Variants in GLT1D1 observed in about 807,000 individuals in gnomAD.
GLT1D1 encodes the protein glycosyltransferase 1 domain-containing protein 1.
Under a neutral mutation model 28.7 loss-of-function variants are expected in GLT1D1, and 21 were observed. That is an observed-to-expected ratio of 0.73 (90% CI 0.52 to 1.05). The LOEUF (loss-of-function observed/expected upper bound fraction) is 1.05, where lower values mean the gene tolerates loss of function less well. Ranked by LOEUF, GLT1D1 falls within the 50% of genes least tolerant of loss-of-function variation. The pLI, the probability that GLT1D1 is intolerant of heterozygous loss-of-function variation, is 0.00. For missense variants in GLT1D1, 343 were observed against 330.6 expected (o/e 1.04, Z -0.29); for synonymous variants, 147 against 124.8 (o/e 1.18, Z -1.19).
chr12:128,881,591 T>TATATATATATATATAA (rs1173048829), intron 2 of GLT1D1, among the ~76,000 whole-genome samples: 1 of 109,978 alleles, frequency 9.1e-6, no homozygotes, highest in African/African-American at 3.5e-5. Context: ...TATATATATA[T>TATATATATATATATAA]ATAAAATTTA....
chr12:128,886,860 C>G (rs1868439510), intron 2 of GLT1D1, among the ~76,000 whole-genome samples: 1 of 152,120 alleles, frequency 6.6e-6, no homozygotes, highest in Admixed American at 6.6e-5. Context: ...GTCTCAACAT[C>G]TCCCAAAGCC....
At chr12:128,938,686 G>A (rs1227512958) in intron 4 of GLT1D1, among the ~76,000 whole-genome samples, 4 of 152,186 alleles carry the variant, frequency 2.6e-5, no homozygotes, top group African/African-American at 9.7e-5. Flanking sequence ...AAGTGTAAAT[G>A]AGAATAGAAA....
At chr12:128,934,065 T>C (rs150719687) in intron 4 of GLT1D1, among the ~76,000 whole-genome samples, 238 of 152,288 alleles carry the variant, frequency 1.6e-3, no homozygotes, top group Non-Finnish European at 2.7e-3. Flanking sequence ...CTCTGTTAAC[T>C]GCAAAGCTCA....
intron 4 of GLT1D1, 121 bp downstream of exon 6, chr12:128,915,110 C>A: frequency 1.3e-6 from 1 of 745,352 alleles, no homozygotes; most frequent in Non-Finnish European, 2.2e-6. Context: ...AGGTTCATTT[C>A]CCTCTGTCTG....
intron 3 of GLT1D1, among the ~76,000 whole-genome samples, chr12:128,895,308 A>G (rs908626165): frequency 1.3e-5 from 2 of 151,942 alleles, no homozygotes; most frequent in East Asian, 1.9e-4. Context: ...ATGTATTTTT[A>G]TTTCATCACT....
chr12:128,893,805 C>T (rs117218272), intron 3 of GLT1D1, among the ~76,000 whole-genome samples: 1 of 152,130 alleles, frequency 6.6e-6, no homozygotes, highest in Non-Finnish European at 1.5e-5. Flanking sequence ...AGGCTGGTCT[C>T]GAACTCCTGA....
chr12:128,962,664 C>T (rs766158971), intron 7 of GLT1D1, among the ~76,000 whole-genome samples: 5 of 152,246 alleles, frequency 3.3e-5, no homozygotes, highest in East Asian at 1.9e-4. Context: ...TGGGTATTAC[C>T]GATTTATAAA....
At chr12:128,978,167 C>T (rs748192831) in intron 7 of GLT1D1, among the ~76,000 whole-genome samples, 11 of 151,928 alleles carry the variant, frequency 7.2e-5, no homozygotes, top group Non-Finnish European at 1.5e-4. Flanking sequence ...CCCCCTCCTC[C>T]GGGGTTACAG....
intron 7 of GLT1D1, among the ~76,000 whole-genome samples, chr12:128,973,699 C>T (rs1454161826): frequency 1.3e-5 from 2 of 152,102 alleles, no homozygotes. Flanking sequence ...TGCCCACCTT[C>T]TCCCCACCAA....
At chr12:128,927,307 C>T (rs184395117) in intron 4 of GLT1D1, 153 bp downstream of exon 8, 57 of 581,218 alleles carry the variant, frequency 9.8e-5, no homozygotes, top group African/African-American at 7.7e-4. Context: ...GGCGTGATCT[C>T]GGCTCACTGC....
At chr12:128,975,299 G>A (rs1382064923) in intron 7 of GLT1D1, among the ~76,000 whole-genome samples, 1 of 152,128 alleles carries the variant, frequency 6.6e-6, no homozygotes. Context: ...CGTGAGTAGG[G>A]GTCAGAGTCC....
intron 4 of GLT1D1, among the ~76,000 whole-genome samples, chr12:128,907,881 G>C (rs1871048857): frequency 6.6e-6 from 1 of 152,202 alleles, no homozygotes; most frequent in Non-Finnish European, 1.5e-5. Flanking sequence ...TGCCCAGGCA[G>C]AGCATGGTAG....
At chr12:128,981,283 T>C (rs1415312094) in intron 7 of GLT1D1, among the ~76,000 whole-genome samples, 1 of 152,206 alleles carries the variant, frequency 6.6e-6, no homozygotes, top group Non-Finnish European at 1.5e-5. Flanking sequence ...AACTCTTTTA[T>C]TGAGGATTTG....
chr12:128,932,195 A>AT (rs768416352), intron 4 of GLT1D1, among the ~76,000 whole-genome samples: 1 of 152,198 alleles, frequency 6.6e-6, no homozygotes, highest in African/African-American at 2.4e-5. Context: ...ATTTCCAGAG[A>AT]TCCCCCCTCT....
At chr12:128,854,072 T>A (rs1956144052) in intron 1 of GLT1D1, among the ~76,000 whole-genome samples, 1 of 151,028 alleles carries the variant, frequency 6.6e-6, no homozygotes, top group East Asian at 2.0e-4. Flanking sequence ...GCGGATCGGG[T>A]CTCGGCTGTG....
chr12:128,853,772 C>T (rs1001358061), intron 1 of GLT1D1, 123 bp downstream of exon 1: 161 of 650,936 alleles, frequency 2.5e-4, no homozygotes, highest in Non-Finnish European at 3.0e-4. Flanking sequence ...CGTCCCGAGC[C>T]GCGCGCACAA....
At chr12:128,855,534 C>T (rs1956196334) in intron 1 of GLT1D1, among the ~76,000 whole-genome samples, 1 of 152,114 alleles carries the variant, frequency 6.6e-6, no homozygotes. Context: ...CCACTGAACT[C>T]CAGCCTGGGT....
At chr12:128,940,069 T>C (rs1335126683) in intron 4 of GLT1D1, among the ~76,000 whole-genome samples, 2 of 152,048 alleles carry the variant, frequency 1.3e-5, no homozygotes, top group Non-Finnish European at 2.9e-5. Flanking sequence ...AATAGATGTA[T>C]TTTGTATTGT....
rs189898575 is a variant in GLT1D1 at position 128,968,046 on chromosome 12, G to T, written c.639+10403G>T. ...GAGTCTCGCTCTGTCGCCCAGGCTGGAGTGCAGTGGCGCAAACTCAGCTCA... is the reference window on the plus strand; with the variant it reads ...GAGTCTCGCTCTGTCGCCCAGGCTGTAGTGCAGTGGCGCAAACTCAGCTCA... On this transcript the variant is annotated intron_variant, in intron 7 of 7. Coordinates refer to ENST00000281703, the MANE Select transcript of GLT1D1 (RefSeq NM_144669.3). 1.6e-3 allele frequency among the ~76,000 whole-genome samples: 243 copies of T among 152,238 alleles called. 1 individual carries two copies. Among genetic ancestry groups the T allele is most frequent in the African/African-American group, 5.3e-3 (221 of 41,564 alleles).
Sources: allele counts gnomAD v4.1 joint callset (sites outside exome capture counted in the v4.1 genomes callset), GRCh38; gene constraint gnomAD v4.1.1; transcripts MANE v1.5; gene names NCBI Gene and HGNC (gene_info 2026-07-23, HGNC 2026-07-21).